ERICH1: variants seen among roughly 807,000 people sequenced by gnomAD.
ERICH1 encodes glutamate rich 1.
A neutral mutation model predicts 39.6 loss-of-function variants in ERICH1; 56 were observed. The ratio of observed to expected loss-of-function variants is 1.41; its 90% CI spans 1.14 to 1.77. ERICH1 has a LOEUF of 1.77. Ranked by LOEUF, ERICH1 falls within the 40% of genes most tolerant of loss-of-function variation. ERICH1 has a pLI of 0.00. For synonymous variants in ERICH1, 313 were observed against 223.6 expected, an observed-to-expected ratio of 1.40 and a Z score of -3.57; for missense variants, 826 against 575.4, an observed-to-expected ratio of 1.44 and a Z score of -4.45.
In ERICH1 at chr8:699,774, GACCC is replaced by G. The variant is rs1261259923; in HGVS notation, c.170-7166_170-7163del. ...ACGTGCACACTCACACAGCCGCACA[GACCC>G]GCACACGCGCACAGACCCGCACACG... On this transcript the variant is annotated intron_variant, in intron 2 of 5. Transcript: ENST00000262109. Among the ~76,000 whole-genome samples the G allele has an allele frequency of 3.3e-5, 3 of 89,776 alleles. 1 individual carries two copies. In the East Asian group the frequency reaches 2.3e-3, roughly 69 times the overall value. 58.9% of individuals were successfully genotyped at this position (89,776 alleles called of 152,430 possible).
rs1244737110 is a variant in ERICH1, at chr8:658,991, CCGGTGTG to C, written c.976+9600_976+9606del. Among the ~76,000 whole-genome samples, 108 of 152,080 alleles carry C rather than the reference CCGGTGTG, an allele frequency of 7.1e-4. 7 individuals carry two copies. Among genetic ancestry groups the C allele is most frequent in the Middle Eastern group, 3.4e-3 (1 of 294 alleles). On this transcript the variant is annotated intron_variant, in intron 3 of 3. Coordinates refer to the ERICH1 transcript ENST00000522706. ...TCATCTTGGTAGGGTCCCCACATCT[CCGGTGTG>C]CACTGAGCATCCTGGGGAGGGGGTG...
intron 3 of ERICH1, among the ~76,000 whole-genome samples, chr8:650,224 T>A (rs1414329526): frequency 1.3e-5 from 2 of 152,168 alleles, no homozygotes; most frequent in African/African-American, 4.8e-5. Context: ...GTGCTGGCGA[T>A]GAGGACGCCG....
In ERICH1 at chr8:731,140, C is replaced by A. The variant is rs1442950418; in HGVS notation, c.22G>T (p.Val8Leu). 1.4e-5 allele frequency: 22 copies of A among 1,523,670 alleles called. No homozygotes were observed. Among genetic ancestry groups the A allele is most frequent in the Non-Finnish European group, 1.8e-5 (21 of 1,138,352 alleles). The allele number at this position is 1,523,670 out of a possible 1,614,324, so 94.4% of individuals were successfully genotyped here. ...AGGCCTCCGCACCGCACCCACCTAC[C>A]GTGCTTCCTGTGCGCCGCCATGCGG... Reference protein sequence around the residue: MAAHRKHVFVEKVLQRLF... With the variant: MAAHRKHLFVEKVLQRLF... Residue 8 changes from valine (V) to leucine (L), a missense_variant and splice_region_variant, in exon 1 of 6, where the codon GTG (valine) becomes TTG (leucine). Coordinates refer to ENST00000262109, the MANE Select transcript of ERICH1 (RefSeq NM_207332.3).
intron 2 of ERICH1, among the ~76,000 whole-genome samples, chr8:701,749 T>C (rs557266285): frequency 1.3e-5 from 2 of 152,322 alleles, no homozygotes; most frequent in East Asian, 3.9e-4. Context: ...TTAAAGATGA[T>C]GTCACATTAT....
At chr8:705,652 C>T (rs1416549674) in intron 2 of ERICH1, among the ~76,000 whole-genome samples, 3 of 144,730 alleles carry the variant, frequency 2.1e-5, no homozygotes, top group Non-Finnish European at 4.6e-5. Flanking sequence ...TTTTTGTCAA[C>T]ATCGTATTAG....
chr8:668,449 T>A, intron 5 of ERICH1, 149 bp downstream of exon 5: 1 of 713,218 alleles, frequency 1.4e-6, no homozygotes, highest in Non-Finnish European at 2.4e-6. Flanking sequence ...AGGAAGCCTG[T>A]TTCTCTCTGG....
chr8:724,414 A>G (rs797007326), intron 1 of ERICH1, among the ~76,000 whole-genome samples: 1 of 152,220 alleles, frequency 6.6e-6, no homozygotes, highest in South Asian at 2.1e-4. Flanking sequence ...AAGCGTTCAC[A>G]AACACCTTAC....
At chr8:638,863 G>A (rs117812113) in intron 3 of ERICH1, among the ~76,000 whole-genome samples, 15,299 of 152,092 alleles carry the variant, frequency 0.1, 973 homozygotes, top group Middle Eastern at 0.18. Context: ...GCCCTTGTGC[G>A]CAATCGCTGC....
intron 3 of ERICH1, among the ~76,000 whole-genome samples, chr8:650,601 A>G (rs775594462): frequency 4.6e-5 from 7 of 152,170 alleles, no homozygotes; most frequent in Non-Finnish European, 8.8e-5. Flanking sequence ...CCAGGGAGGA[A>G]CCGGTGTCAA....
At chr8:638,983 C>T (rs545579144) in intron 3 of ERICH1, among the ~76,000 whole-genome samples, 2 of 152,006 alleles carry the variant, frequency 1.3e-5, no homozygotes. Context: ...TTCACAACTG[C>T]CCCCCTACCA....
chr8:727,818 G>A (rs571132626), intron 1 of ERICH1, among the ~76,000 whole-genome samples: 1 of 152,338 alleles, frequency 6.6e-6, no homozygotes, highest in South Asian at 2.1e-4. Flanking sequence ...GGACCACCTT[G>A]ATGGGAAACT....
At chr8:716,855 G>A (rs974115787) in intron 1 of ERICH1, among the ~76,000 whole-genome samples, 27 of 152,232 alleles carry the variant, frequency 1.8e-4, no homozygotes, top group African/African-American at 5.8e-4. Context: ...GCTTCTAGGC[G>A]AGGCAGGGAG....
chr8:618,035 A>C (rs573314088), intron 3 of ERICH1, among the ~76,000 whole-genome samples: 28 of 125,776 alleles, frequency 2.2e-4, no homozygotes, highest in Middle Eastern at 6.3e-3. Flanking sequence ...CCTCACTGCC[A>C]TATGAGTGCT....
intron 3 of ERICH1, among the ~76,000 whole-genome samples, chr8:676,988 A>G (rs941435150): frequency 3.9e-5 from 6 of 152,220 alleles, no homozygotes; most frequent in Non-Finnish European, 8.8e-5. Flanking sequence ...GATAGAATAC[A>G]TGAGTTCCTC....
chr8:620,653 T>A (rs1453070373), intron 3 of ERICH1, among the ~76,000 whole-genome samples: 1 of 152,194 alleles, frequency 6.6e-6, no homozygotes, highest in Non-Finnish European at 1.5e-5. Flanking sequence ...CTGGATAGGC[T>A]ATACTAACAT....
At chr8:719,443 G>A (rs117223499) in intron 1 of ERICH1, among the ~76,000 whole-genome samples, 396 of 152,376 alleles carry the variant, frequency 2.6e-3, no homozygotes, top group Non-Finnish European at 4.2e-3. Context: ...GGGCGCTGGT[G>A]CCCACATCTG....
chr8:687,007 G>C (rs1235651076), intron 3 of ERICH1, among the ~76,000 whole-genome samples: 1 of 152,232 alleles, frequency 6.6e-6, no homozygotes, highest in Non-Finnish European at 1.5e-5. Context: ...AGTCACGCTA[G>C]GACTCCTTCA....
intron 2 of ERICH1, among the ~76,000 whole-genome samples, chr8:710,531 G>C (rs1347689469): frequency 1.3e-5 from 2 of 152,152 alleles, no homozygotes; most frequent in Non-Finnish European, 2.9e-5. Context: ...AGGCCCCTGG[G>C]CTCCACCTGC....
At chr8:702,692 C>T (rs998190000) in intron 2 of ERICH1, among the ~76,000 whole-genome samples, 5 of 152,366 alleles carry the variant, frequency 3.3e-5, no homozygotes, top group Middle Eastern at 3.4e-3. Flanking sequence ...GGTCGCAGCT[C>T]GGCAGGAGGG....
Sources: gnomAD v4.1 joint callset for allele counts (sites outside exome capture counted in the v4.1 genomes callset) on GRCh38, gnomAD v4.1.1 for gene constraint, MANE v1.5 for transcripts, NCBI Gene and HGNC (gene_info 2026-07-23, HGNC 2026-07-21) for gene names.